PSG7: variants seen among roughly 807,000 people sequenced by gnomAD.
PSG7 encodes the protein pregnancy-specific beta-1-glycoprotein 7.
A neutral mutation model predicts 45.6 loss-of-function variants in PSG7; 57 were observed. That is an observed-to-expected ratio of 1.25 (90% CI 1.01 to 1.56). The LOEUF (loss-of-function observed/expected upper bound fraction) is 1.56. PSG7 is among the 40% of genes most tolerant of loss of function. The pLI, the probability that PSG7 is intolerant of heterozygous loss-of-function variation, is 0.00. For missense variants in PSG7, 796 were observed against 508.4 expected, an observed-to-expected ratio of 1.57 and a Z score of -5.44; for synonymous variants, 298 against 194.4, an observed-to-expected ratio of 1.53 and a Z score of -4.43.
At chr19:42,934,867 C>G (rs1327046520) in intron 2 of PSG7, among the ~76,000 whole-genome samples, 1 of 151,624 alleles carries the variant, frequency 6.6e-6, no homozygotes, top group Non-Finnish European at 1.5e-5. Flanking sequence ...AGGGCTGAGC[C>G]CTGGCTGGTG....
chr19:42,933,523 G>A (rs577337077), intron 2 of PSG7, among the ~76,000 whole-genome samples: 1 of 149,192 alleles, frequency 6.7e-6, no homozygotes, highest in East Asian at 2.0e-4. Flanking sequence ...GGCAGGAGTG[G>A]CAACTCCAGG....
At chr19:42,932,742 C>T (rs1181702070) in intron 2 of PSG7, among the ~76,000 whole-genome samples, 5 of 151,428 alleles carry the variant, frequency 3.3e-5, no homozygotes, top group Non-Finnish European at 5.9e-5. Flanking sequence ...AAACTAACAC[C>T]CTTACTTTGC....
At chr19:42,928,483 G>A (rs1747200790) in intron 3 of PSG7, among the ~76,000 whole-genome samples, 2 of 151,528 alleles carry the variant, frequency 1.3e-5, no homozygotes, top group East Asian at 1.9e-4. Context: ...AGTTTTCAGG[G>A]TATAATCATT....
chr19:42,930,300 A>T (rs1307155603), intron 2 of PSG7, among the ~76,000 whole-genome samples: 1 of 151,542 alleles, frequency 6.6e-6, no homozygotes. Flanking sequence ...GTGCAGCCAC[A>T]AGGTGGCGCA....
chr19:42,927,471 CCTT>C (rs953834740), intron 3 of PSG7: 2 of 152,046 alleles, frequency 1.3e-5, no homozygotes, highest in African/African-American at 4.9e-5. Flanking sequence ...AGTTTCCTCT[CCTT>C]CTGCAGAGGG....
intron 2 of PSG7, among the ~76,000 whole-genome samples, chr19:42,931,895 C>A (rs1408004997): frequency 9.4e-6 from 1 of 106,020 alleles, no homozygotes; most frequent in Non-Finnish European, 2.0e-5. Flanking sequence ...CACTTTTTTT[C>A]CCCCACTCTT....
Position 42,935,451 on chromosome 19 carries a change from C to A in PSG7, c.383G>T (p.Gly128Val), listed in dbSNP as rs782136743. ...TCCAGTTACTCCTCCAGTCCCATCA[C>A]CTCGCTTTATGATGTGTAAAGTGTA... is the stretch of plus-strand genomic sequence containing the variant. ...GSYTLHIIKR[G>V]DGTGGVTGRF... Residue 128 changes from glycine to valine, a missense_variant, in exon 2 of 6, where the codon GGT (glycine) becomes GTT (valine). Physicochemically the swap from Gly to Val is moderately radical, Grantham distance 109. Transcript: ENST00000406070. 29 of 1,612,088 alleles carry A rather than the reference C, an allele frequency of 1.8e-5. 1 individual carries two copies. The highest frequency in any genetic ancestry group is 4.2e-6 in the Non-Finnish European group (5 of 1,179,014).
At chr19:42,925,551 T>C (rs1208420036) in intron 5 of PSG7, 6 of 1,191,728 alleles carry the variant, frequency 5.0e-6, no homozygotes, top group Non-Finnish European at 6.8e-6. Context: ...AATCAATGTT[T>C]TTCCTGCTTG....
intron 2 of PSG7, 76 bp downstream of exon 2, chr19:42,935,328 G>A (rs929479325): frequency 1.8e-5 from 28 of 1,554,092 alleles, no homozygotes; most frequent in Non-Finnish European, 2.5e-5. Flanking sequence ...CACAGTCCAG[G>A]CCTGACAATT....
rs1455415697 is a variant in PSG7, at chr19:42,935,343, G to A, written c.430+61C>T. On this transcript the variant is annotated intron_variant, in intron 2 of 5. Transcript: ENST00000406070. ...CACAGTCCAGGCCTGACAATTCTGT[G>A]TGTGTGAAGTAGAAATGACCCCTGC... The A allele has an allele frequency of 6.3e-6, 10 of 1,599,220 alleles. No homozygotes were observed. The Admixed American group carries it at 1.2e-4, about 19-fold the overall frequency.
Position 42,935,347 on chromosome 19 carries a change from G to T in PSG7, c.430+57C>A, listed in dbSNP as rs1188862936. 3.1e-6 allele frequency: 5 copies of T among 1,601,196 alleles called. No individual in the cohort carries two copies. The African/African-American group carries it at 6.7e-5, about 22-fold the overall frequency. ...GTCCAGGCCTGACAATTCTGTGTGT[G>T]TGAAGTAGAAATGACCCCTGCCCCC... is the stretch of plus-strand genomic sequence containing the variant. On this transcript the variant is annotated intron_variant, in intron 2 of 5. Coordinates refer to ENST00000406070, the MANE Select transcript of PSG7 (RefSeq NM_002783.3).
At chr19:42,934,571 AC>A (rs1303534860) in intron 2 of PSG7, among the ~76,000 whole-genome samples, 1 of 151,682 alleles carries the variant, frequency 6.6e-6, no homozygotes, top group East Asian at 1.9e-4. Flanking sequence ...TAAATTATTC[AC>A]AGTCACCTGA....
intron 3 of PSG7, chr19:42,927,716 G>T (rs1972927092): frequency 6.6e-6 from 1 of 151,528 alleles, no homozygotes; most frequent in South Asian, 2.1e-4. Flanking sequence ...CATGTAAGTG[G>T]ATTCCAGAGT....
intron 2 of PSG7, among the ~76,000 whole-genome samples, chr19:42,933,284 TATATATATA>T (rs1568459445): frequency 1.2e-3 from 10 of 8,352 alleles, no homozygotes; most frequent in African/African-American, 3.2e-3. Flanking sequence ...TATATATATA[TATATATATA>T]TATATATATA....
chr19:42,926,636 G>T lies in PSG7; in HGVS notation c.790C>A (p.Pro264Thr). 1 of 1,610,114 alleles carries T rather than the reference G, an allele frequency of 6.2e-7. No individual in the cohort carries two copies. The highest frequency in any genetic ancestry group is 8.5e-7 in the Non-Finnish European group (1 of 1,178,984). Reference protein sequence around the residue: ...NKDVSTFTCEPKSENYTYIWW... With the variant: ...NKDVSTFTCETKSENYTYIWW... ...ATGTAGGTGTAGTTCTCACTCTTAG[G>T]TTCACAGGTGAAGGTTGAGACATCC... is the stretch of plus-strand genomic sequence containing the variant. The change falls in exon 4 of 6, where the codon CCT becomes ACT. Residue 264 changes from proline (P) to threonine (T), a missense_variant. Physicochemically the swap from Pro to Thr is conservative, Grantham distance 38. Transcript: ENST00000406070.
chr19:42,935,401 C>G lies in PSG7; in HGVS notation c.430+3G>C. The G allele has an allele frequency of 6.2e-7, 1 of 1,611,326 alleles. No individual in the cohort carries two copies. The highest frequency in any genetic ancestry group is 8.5e-7 in the Non-Finnish European group (1 of 1,178,602). The stretch of plus-strand genomic sequence containing the variant: ...CACCCAGGGACCATGTGGAATCACT[C>G]ACGGTATAAGGTGAAGGTGAAACGT... On this transcript the variant is annotated splice_donor_region_variant and intron_variant, in intron 2 of 5. Coordinates refer to ENST00000406070, the MANE Select transcript of PSG7 (RefSeq NM_002783.3).
intron 2 of PSG7, among the ~76,000 whole-genome samples, chr19:42,930,407 G>A (rs1972994749): frequency 6.6e-6 from 1 of 151,572 alleles, no homozygotes; most frequent in Admixed American, 6.6e-5. Flanking sequence ...AAGGGGACAG[G>A]CAAGAGCTGA....
rs186697915 is a variant in PSG7 at position 42,926,583 on chromosome 19, C to T, written c.843G>A (p.Pro281=). 6.3e-5 allele frequency: 101 copies of T among 1,610,240 alleles called. 3 individuals are homozygous for T. Among genetic ancestry groups the T allele is most frequent in the African/African-American group, 4.4e-4 (33 of 74,656 alleles). Residue 281 remains proline (P), a synonymous_variant, in exon 4 of 6, where the codon CCG becomes CCA. Transcript: ENST00000406070. Reference sequence around the variant, plus strand: ...TGCGTCGCTTTACCCTGGGACTGACCGGGAGGCTCTGACCATTTAGCCACC... The same window carrying T: ...TGCGTCGCTTTACCCTGGGACTGACTGGGAGGCTCTGACCATTTAGCCACC... ...YIWWLNGQSL[P]VSPRVKRRIE... is the part of the protein sequence containing the mutation.
intron 1 of PSG7, among the ~76,000 whole-genome samples, chr19:42,936,789 A>T (rs146213493): frequency 0.02 from 3,012 of 151,548 alleles, 113 homozygotes; most frequent in Non-Finnish European, 0.028. Context: ...CTAGGATTAC[A>T]GGAGCACACC....
Sources: allele counts gnomAD v4.1 joint callset (sites outside exome capture counted in the v4.1 genomes callset), GRCh38; gene constraint gnomAD v4.1.1; transcripts MANE v1.5; gene names NCBI Gene and HGNC (gene_info 2026-07-23, HGNC 2026-07-21).